Variants in CDH12 observed in about 807,000 individuals in gnomAD.
CDH12 encodes the protein cadherin-12.
A neutral mutation model predicts 74.1 loss-of-function variants in CDH12; 41 were observed. The observed-to-expected ratio is 0.55, with a 90% CI of 0.43 to 0.72. The LOEUF (loss-of-function observed/expected upper bound fraction) is 0.72, where lower values mean the gene tolerates loss of function less well. CDH12 is among the 30% of genes least tolerant of loss of function. The probability of loss-of-function intolerance (pLI) is 0.00; values close to 1 mark genes in which losing one functional copy is unlikely to be tolerated. For synonymous variants in CDH12, 399 were observed against 355.0 expected, an observed-to-expected ratio of 1.12 and a Z score of -1.39; for missense variants, 945 against 977.2, an observed-to-expected ratio of 0.97 and a Z score of 0.44.
At chr5:22,251,069 G>A (rs1753115555) in intron 3 of CDH12, among the ~76,000 whole-genome samples, 3 of 152,178 alleles carry the variant, frequency 2.0e-5, no homozygotes, top group African/African-American at 7.2e-5. Flanking sequence ...ATTTAAGAAT[G>A]CAAACCCAGA....
chr5:22,322,366 T>TTA (rs1554031528), intron 3 of CDH12, among the ~76,000 whole-genome samples: 26 of 148,712 alleles, frequency 1.7e-4, no homozygotes, highest in Non-Finnish European at 2.2e-4. Context: ...CAGCTTTATT[T>TTA]AAAAAAAAAA....
At chr5:22,404,945 C>G (rs1742876450) in intron 3 of CDH12, among the ~76,000 whole-genome samples, 1 of 152,158 alleles carries the variant, frequency 6.6e-6, no homozygotes. Flanking sequence ...CACAGTGGCT[C>G]ACGCCTATAA....
At chr5:22,276,666 A>G (rs1333209053) in intron 3 of CDH12, among the ~76,000 whole-genome samples, 4 of 152,118 alleles carry the variant, frequency 2.6e-5, no homozygotes, top group African/African-American at 9.7e-5. Context: ...GACTATTTTA[A>G]GCACTATTTT....
intron 1 of CDH12, among the ~76,000 whole-genome samples, chr5:22,509,894 T>C: frequency 6.6e-6 from 1 of 152,040 alleles, no homozygotes; most frequent in East Asian, 1.9e-4. Flanking sequence ...CCCAGAGTAG[T>C]AATATAAAGC....
intron 4 of CDH12, among the ~76,000 whole-genome samples, chr5:22,104,492 C>T (rs1363953994): frequency 6.6e-6 from 1 of 151,476 alleles, no homozygotes; most frequent in Non-Finnish European, 1.5e-5. Context: ...AAAAAAAAAA[C>T]TTTGTTTTTA....
At chr5:22,429,920 G>A (rs184388920) in intron 2 of CDH12, among the ~76,000 whole-genome samples, 2 of 152,244 alleles carry the variant, frequency 1.3e-5, no homozygotes, top group East Asian at 1.9e-4. Flanking sequence ...CACAATTAAT[G>A]TTGATGGCCA....
At chr5:22,623,802 T>A (rs1014114977) in intron 1 of CDH12, among the ~76,000 whole-genome samples, 1 of 152,090 alleles carries the variant, frequency 6.6e-6, no homozygotes, top group Non-Finnish European at 1.5e-5. Context: ...TTCACAGAAT[T>A]GGAAAAAACT....
chr5:22,630,353 C>T (rs372083825), intron 1 of CDH12, among the ~76,000 whole-genome samples: 1 of 151,860 alleles, frequency 6.6e-6, no homozygotes, highest in East Asian at 1.9e-4. Context: ...TATTACCCCA[C>T]TTGAACAAAA....
intron 1 of CDH12, among the ~76,000 whole-genome samples, chr5:22,694,310 A>G (rs1244698965): frequency 6.6e-6 from 1 of 152,190 alleles, no homozygotes; most frequent in Non-Finnish European, 1.5e-5. Context: ...TTTCTTTACA[A>G]TCTCCATACA....
At chr5:21,883,947 T>A in intron 6 of CDH12, 1 of 1,607,836 alleles carries the variant, frequency 6.2e-7, no homozygotes, top group East Asian at 2.2e-5. Flanking sequence ...AGCCTTGGAC[T>A]CATTGACTCC....
At chr5:22,045,806 T>C (rs978169607) in intron 5 of CDH12, among the ~76,000 whole-genome samples, 4 of 151,630 alleles carry the variant, frequency 2.6e-5, no homozygotes, top group Non-Finnish European at 2.9e-5. Context: ...GTGGTAGGAG[T>C]GGTGGAGGAC....
At chr5:22,389,972 T>A (rs969847684) in intron 3 of CDH12, among the ~76,000 whole-genome samples, 5 of 151,734 alleles carry the variant, frequency 3.3e-5, no homozygotes, top group Admixed American at 6.6e-5. Context: ...AAAAATTACA[T>A]AAAGCCATAT....
At chr5:22,045,061 G>A (rs551285360) in intron 5 of CDH12, among the ~76,000 whole-genome samples, 10 of 152,232 alleles carry the variant, frequency 6.6e-5, no homozygotes, top group East Asian at 3.9e-4. Context: ...AAGAATATAC[G>A]AGAAACTCAG....
At chr5:22,112,419 C>T (rs760097310) in intron 4 of CDH12, among the ~76,000 whole-genome samples, 5 of 152,160 alleles carry the variant, frequency 3.3e-5, no homozygotes, top group Non-Finnish European at 5.9e-5. Context: ...GCCACACTTG[C>T]CACATACAAC....
At chr5:22,156,596 G>A (rs184444037) in intron 4 of CDH12, among the ~76,000 whole-genome samples, 1 of 152,136 alleles carries the variant, frequency 6.6e-6, no homozygotes, top group East Asian at 1.9e-4. Flanking sequence ...AAGAAGGAAG[G>A]TGACTGAAAA....
chr5:22,037,782 T>C (rs1232568116), intron 5 of CDH12, among the ~76,000 whole-genome samples: 1 of 152,062 alleles, frequency 6.6e-6, no homozygotes, highest in African/African-American at 2.4e-5. Flanking sequence ...TATATGTTGA[T>C]AGAAAAGTGC....
At chr5:22,724,848 T>C (rs2126995105) in intron 1 of CDH12, among the ~76,000 whole-genome samples, 1 of 152,032 alleles carries the variant, frequency 6.6e-6, no homozygotes, top group East Asian at 1.9e-4. Context: ...AATAAATATC[T>C]TGTTACTAAG....
At chr5:21,919,889 A>G (rs983448453) in intron 6 of CDH12, among the ~76,000 whole-genome samples, 1 of 152,160 alleles carries the variant, frequency 6.6e-6, no homozygotes, top group African/African-American at 2.4e-5. Flanking sequence ...CCCTTCAAAT[A>G]TTTAAGAAAA....
At chr5:22,231,642 G>A (rs560281670) in intron 3 of CDH12, among the ~76,000 whole-genome samples, 1 of 152,024 alleles carries the variant, frequency 6.6e-6, no homozygotes, top group Non-Finnish European at 1.5e-5. Context: ...CCTCCCTGTA[G>A]AGGTATAAAC....
Sources: allele counts gnomAD v4.1 joint callset (sites outside exome capture counted in the v4.1 genomes callset), GRCh38; gene constraint gnomAD v4.1.1; transcripts MANE v1.5; gene names NCBI Gene and HGNC (gene_info 2026-07-23, HGNC 2026-07-21).